ZMAT4: variants seen among roughly 807,000 people sequenced by gnomAD.
ZMAT4 encodes the protein zinc finger matrin-type protein 4.
In ZMAT4, 17 loss-of-function variants were observed where a neutral mutation model predicts 28.7. That is an observed-to-expected ratio of 0.59 (90% CI 0.41 to 0.89). The LOEUF (loss-of-function observed/expected upper bound fraction) is 0.89. Ranked by LOEUF, ZMAT4 falls within the 40% of genes least tolerant of loss-of-function variation. The pLI, the probability that ZMAT4 is intolerant of heterozygous loss-of-function variation, is 0.00. For synonymous variants in ZMAT4, 117 were observed against 109.2 expected (o/e 1.07, Z -0.44); for missense variants, 240 against 283.8 (o/e 0.85, Z 1.11).
intron 6 of ZMAT4, among the ~76,000 whole-genome samples, chr8:40,551,901 C>T (rs1451844030): frequency 6.6e-6 from 1 of 152,122 alleles, no homozygotes; most frequent in Non-Finnish European, 1.5e-5. Flanking sequence ...TCCCAGAGCA[C>T]TAATTTCTTA....
At chr8:40,566,530 T>C (rs1271217604) in intron 6 of ZMAT4, among the ~76,000 whole-genome samples, 2 of 151,902 alleles carry the variant, frequency 1.3e-5, no homozygotes, top group Non-Finnish European at 2.9e-5. Flanking sequence ...CCATGGGAGG[T>C]GCATTTTTAC....
chr8:40,568,706 G>A (rs907634200), intron 6 of ZMAT4, among the ~76,000 whole-genome samples: 2 of 152,040 alleles, frequency 1.3e-5, no homozygotes, highest in African/African-American at 4.8e-5. Flanking sequence ...TCACAGATAT[G>A]GAAACTAAGC....
At chr8:40,607,062 G>GT (rs1484919659) in intron 5 of ZMAT4, among the ~76,000 whole-genome samples, 1 of 128,106 alleles carries the variant, frequency 7.8e-6, no homozygotes, top group Non-Finnish European at 1.7e-5. Context: ...AGGTGTGATT[G>GT]TTTTTTATTT....
intron 3 of ZMAT4, among the ~76,000 whole-genome samples, chr8:40,728,766 C>T (rs1436919106): frequency 1.3e-5 from 2 of 152,144 alleles, no homozygotes; most frequent in South Asian, 2.1e-4. Flanking sequence ...AACTGTTACA[C>T]CTGTGTAATA....
At chr8:40,778,032 A>G (rs550250347) in intron 2 of ZMAT4, among the ~76,000 whole-genome samples, 2 of 152,238 alleles carry the variant, frequency 1.3e-5, no homozygotes, top group East Asian at 3.9e-4. Flanking sequence ...CTCTTTAAAT[A>G]CTCGTTAACT....
chr8:40,677,559 G>A (rs1260096623), intron 4 of ZMAT4, among the ~76,000 whole-genome samples: 1 of 152,120 alleles, frequency 6.6e-6, no homozygotes, highest in Non-Finnish European at 1.5e-5. Flanking sequence ...AACCCATAGG[G>A]TGTGGACAGA....
intron 1 of ZMAT4, among the ~76,000 whole-genome samples, chr8:40,867,713 T>C (rs1012498031): frequency 6.6e-6 from 1 of 152,218 alleles, no homozygotes; most frequent in Non-Finnish European, 1.5e-5. Context: ...TTTGAGTCTT[T>C]GTTCAGTTGC....
intron 1 of ZMAT4, among the ~76,000 whole-genome samples, chr8:40,892,721 T>C (rs1792658328): frequency 6.6e-6 from 1 of 152,244 alleles, no homozygotes; most frequent in Non-Finnish European, 1.5e-5. Flanking sequence ...GGGCATCATC[T>C]GCCACATCTG....
chr8:40,581,952 T>G (rs1804479158), intron 5 of ZMAT4, among the ~76,000 whole-genome samples: 1 of 152,210 alleles, frequency 6.6e-6, no homozygotes, highest in African/African-American at 2.4e-5. Flanking sequence ...AGCCAATTTA[T>G]GTTAGAAAAC....
intron 2 of ZMAT4, 108 bp from the exon 3 acceptor site, chr8:40,767,838 G>T: frequency 1.2e-6 from 1 of 863,220 alleles, no homozygotes; most frequent in South Asian, 1.8e-5. Flanking sequence ...TTCAGTAGAA[G>T]ACACTTCTGC....
chr8:40,862,584 T>TAAAAAAAAAAAAAAAAAAAAAATAA (rs398007582), intron 1 of ZMAT4, among the ~76,000 whole-genome samples: 1 of 109,946 alleles, frequency 9.1e-6, no homozygotes, highest in Non-Finnish European at 1.8e-5. Flanking sequence ...AAAAAAAAAT[T>TAAAAAAAAAAAAAAAAAAAAAATAA]AAAAAAAAAA....
At chr8:40,586,401 C>A (rs1049985235) in intron 5 of ZMAT4, among the ~76,000 whole-genome samples, 24 of 152,144 alleles carry the variant, frequency 1.6e-4, no homozygotes, top group Non-Finnish European at 1.9e-4. Flanking sequence ...TTCCTACCTG[C>A]AAGGACCTGT....
intron 3 of ZMAT4, among the ~76,000 whole-genome samples, chr8:40,711,246 T>C (rs1225101754): frequency 6.6e-6 from 1 of 152,092 alleles, no homozygotes; most frequent in Non-Finnish European, 1.5e-5. Flanking sequence ...GCACAGAGTA[T>C]CAAACAATAA....
intron 6 of ZMAT4, among the ~76,000 whole-genome samples, chr8:40,534,075 G>A (rs904523675): frequency 4.6e-5 from 7 of 151,964 alleles, no homozygotes; most frequent in Non-Finnish European, 8.8e-5. Context: ...AAAATCAGAT[G>A]AAAGGGTTTT....
intron 1 of ZMAT4, among the ~76,000 whole-genome samples, chr8:40,846,658 T>TGAGACTGAC (rs1176324242): frequency 1.3e-5 from 2 of 152,194 alleles, no homozygotes; most frequent in Admixed American, 1.3e-4. Context: ...CTTTCCAGGT[T>TGAGACTGAC]GAGACTGACT....
chr8:40,660,121 C>G (rs905124976), intron 5 of ZMAT4, among the ~76,000 whole-genome samples: 1 of 152,112 alleles, frequency 6.6e-6, no homozygotes, highest in Admixed American at 6.6e-5. Context: ...AAAATAGGTT[C>G]CAAATTCAAG....
chr8:40,672,976 AAAGT>A (rs56937994), intron 5 of ZMAT4, among the ~76,000 whole-genome samples: 2,399 of 152,318 alleles, frequency 0.016, 64 homozygotes, highest in African/African-American at 0.054. Flanking sequence ...ACACATAAAT[AAAGT>A]GTTATTAATG....
intron 5 of ZMAT4, among the ~76,000 whole-genome samples, chr8:40,655,747 A>G (rs931139791): frequency 9.2e-5 from 14 of 152,264 alleles, no homozygotes; most frequent in South Asian, 4.1e-4. Flanking sequence ...ACTAAATTCC[A>G]CATGCAAAAG....
intron 1 of ZMAT4, among the ~76,000 whole-genome samples, chr8:40,831,921 TA>T (rs1474581625): frequency 3.3e-4 from 50 of 152,226 alleles, no homozygotes; most frequent in African/African-American, 1.2e-3. Flanking sequence ...GGGCTTTATA[TA>T]AATCATCCGA....
Sources: allele counts gnomAD v4.1 joint callset (sites outside exome capture counted in the v4.1 genomes callset), GRCh38; gene constraint gnomAD v4.1.1; transcripts MANE v1.5; gene names NCBI Gene and HGNC (gene_info 2026-07-23, HGNC 2026-07-21).